Variants in SDK1 observed in about 807,000 individuals in gnomAD.
SDK1 encodes the protein protein sidekick-1.
In SDK1, 157 loss-of-function variants were observed where a neutral mutation model predicts 245.5. That is an observed-to-expected ratio of 0.64 (90% confidence interval 0.56 to 0.73). SDK1 has a LOEUF of 0.73. SDK1 is among the 30% of genes least tolerant of loss of function. The pLI is 0.00. For synonymous variants in SDK1, 1,647 were observed against 1,278.5 expected, an observed-to-expected ratio of 1.29 and a Z score of -6.15; for missense variants, 3,583 against 3,002.3, an observed-to-expected ratio of 1.19 and a Z score of -4.52.
intron 19 of SDK1, among the ~76,000 whole-genome samples, chr7:4,061,575 G>A (rs904310800): frequency 2.0e-5 from 3 of 152,074 alleles, no homozygotes; most frequent in Non-Finnish European, 2.9e-5. Flanking sequence ...TCAGTGTGGC[G>A]ATTCCTCAGG....
At chr7:3,655,916 A>G (rs1783168407) in intron 4 of SDK1, among the ~76,000 whole-genome samples, 1 of 152,118 alleles carries the variant, frequency 6.6e-6, no homozygotes, top group Non-Finnish European at 1.5e-5. Flanking sequence ...AATGCTGGCC[A>G]CCTCACCAGT....
At chr7:3,914,771 TG>T (rs2128110257) in intron 5 of SDK1, among the ~76,000 whole-genome samples, 1 of 152,256 alleles carries the variant, frequency 6.6e-6, no homozygotes, top group South Asian at 2.1e-4. Context: ...AAAAGCTAAG[TG>T]GAATGTTGAA....
At chr7:4,172,570 G>T (rs1781914861) in intron 32 of SDK1, among the ~76,000 whole-genome samples, 1 of 152,172 alleles carries the variant, frequency 6.6e-6, no homozygotes, top group South Asian at 2.1e-4. Flanking sequence ...AGAGAGTTTG[G>T]ATTGCAAGGA....
At chr7:3,616,671 T>C (rs545905091) in intron 1 of SDK1, among the ~76,000 whole-genome samples, 289 of 152,324 alleles carry the variant, frequency 1.9e-3, no homozygotes, top group African/African-American at 6.4e-3. Context: ...GTTGGTAATA[T>C]TGTATTACTA....
chr7:3,488,050 C>G (rs1358366819), intron 1 of SDK1, among the ~76,000 whole-genome samples: 3 of 152,106 alleles, frequency 2.0e-5, no homozygotes, highest in African/African-American at 4.8e-5. Flanking sequence ...CTTGTTTCCC[C>G]CACACCTTTC....
At chr7:4,045,838 G>A (rs1344651664) in intron 17 of SDK1, among the ~76,000 whole-genome samples, 2 of 152,152 alleles carry the variant, frequency 1.3e-5, no homozygotes, top group African/African-American at 4.8e-5. Flanking sequence ...TTCACTCATG[G>A]ATTTCCTGTC....
chr7:3,400,522 C>T (rs527305357), intron 1 of SDK1, among the ~76,000 whole-genome samples: 19 of 152,018 alleles, frequency 1.2e-4, no homozygotes, highest in Admixed American at 3.3e-4. Context: ...ATGAAAAGAA[C>T]GTATGTACTT....
At chr7:4,153,259 G>A (rs1363560894) in intron 30 of SDK1, among the ~76,000 whole-genome samples, 6 of 147,682 alleles carry the variant, frequency 4.1e-5, no homozygotes, top group South Asian at 2.1e-4. Context: ...TTCTTTTTCC[G>A]TATAATGTAA....
chr7:3,823,687 T>A (rs1562470571), intron 5 of SDK1, among the ~76,000 whole-genome samples: 1 of 152,232 alleles, frequency 6.6e-6, no homozygotes, highest in Non-Finnish European at 1.5e-5. Flanking sequence ...ATGTATTTTT[T>A]AACTTTTCAT....
chr7:4,221,289 C>T lies in SDK1; in HGVS notation c.5752C>T (p.Leu1918=), dbSNP rs138688738. The part of the protein sequence containing the change: ...DVLVTKSASE[L]TLQWTEGHSG... ...CCTGGTCACCAAGTCCGCCTCTGAA[C>T]TGACGCTGCAGTGGACTGAGGGACA... Residue 1918 remains leucine (L), a synonymous_variant, in exon 40 of 45, where the codon CTG becomes TTG. Coordinates refer to ENST00000404826, the MANE Select transcript of SDK1 (RefSeq NM_152744.4). 2 of 1,613,810 alleles carry T rather than the reference C, an allele frequency of 1.2e-6. No individual in the cohort carries two copies. The highest frequency in any genetic ancestry group is 3.3e-5 in the Admixed American group (2 of 60,010).
chr7:3,922,873 G>C (rs909008841), intron 5 of SDK1, among the ~76,000 whole-genome samples: 6 of 152,094 alleles, frequency 3.9e-5, no homozygotes, highest in African/African-American at 1.4e-4. Context: ...TTCACCTTCT[G>C]GAATTCCTAC....
At chr7:3,483,194 C>T (rs1323053618) in intron 1 of SDK1, among the ~76,000 whole-genome samples, 1 of 152,194 alleles carries the variant, frequency 6.6e-6, no homozygotes, top group Admixed American at 6.5e-5. Context: ...TTGTTAAAAA[C>T]TGACATCTTT....
At chr7:3,951,061 C>A (rs758258241) in intron 6 of SDK1, 27 bp downstream of exon 6, 1 of 1,479,220 alleles carries the variant, frequency 6.8e-7, no homozygotes, top group African/African-American at 1.4e-5. Flanking sequence ...CTGTGAGACT[C>A]CTAGTAAATA....
chr7:3,334,942 C>T (rs930388808), intron 1 of SDK1, among the ~76,000 whole-genome samples: 1 of 152,164 alleles, frequency 6.6e-6, no homozygotes, highest in Non-Finnish European at 1.5e-5. Flanking sequence ...ATCATTTACC[C>T]AGTAACTCAG....
At chr7:3,733,277 G>T (rs956621690) in intron 4 of SDK1, among the ~76,000 whole-genome samples, 1 of 152,124 alleles carries the variant, frequency 6.6e-6, no homozygotes, top group Admixed American at 6.5e-5. Flanking sequence ...AAGAACTTTT[G>T]CAGGATGACA....
chr7:4,081,170 C>A (rs138116357), intron 22 of SDK1, among the ~76,000 whole-genome samples: 1 of 152,184 alleles, frequency 6.6e-6, no homozygotes, highest in African/African-American at 2.4e-5. Flanking sequence ...GCGACAGAAA[C>A]GCCAGCGTCT....
At chr7:3,831,340 C>T (rs941668405) in intron 5 of SDK1, among the ~76,000 whole-genome samples, 3 of 152,160 alleles carry the variant, frequency 2.0e-5, no homozygotes, top group African/African-American at 4.8e-5. Flanking sequence ...TGGTTCTACT[C>T]GTACCTTCCC....
chr7:3,908,714 ATCT>A (rs1386417357), intron 5 of SDK1, among the ~76,000 whole-genome samples: 2 of 151,970 alleles, frequency 1.3e-5, no homozygotes, highest in Non-Finnish European at 1.5e-5. Context: ...AGGGGAAATC[ATCT>A]TCTTTTGTAA....
chr7:3,464,591 G>C (rs975611495), intron 1 of SDK1, among the ~76,000 whole-genome samples: 2 of 151,728 alleles, frequency 1.3e-5, no homozygotes, highest in Admixed American at 1.3e-4. Flanking sequence ...TTTTTTGTTT[G>C]TTTTTGAGAA....
Sources: allele counts gnomAD v4.1 joint callset (sites outside exome capture counted in the v4.1 genomes callset), GRCh38; gene constraint gnomAD v4.1.1; transcripts MANE v1.5; gene names NCBI Gene and HGNC (gene_info 2026-07-23, HGNC 2026-07-21).